VPS13B: variants seen among roughly 807,000 people sequenced by gnomAD.
VPS13B encodes the protein vacuolar protein sorting 13 homolog B.
A neutral mutation model predicts 426.4 loss-of-function variants in VPS13B; 285 were observed. That is an observed-to-expected ratio of 0.67 (90% CI 0.61 to 0.74). VPS13B has a LOEUF of 0.74. VPS13B is among the 30% of genes least tolerant of loss of function. The pLI is 0.00. For missense variants in VPS13B, 4,537 were observed against 4,782.6 expected (o/e 0.95, Z 1.51); for synonymous variants, 1,676 against 1,676.4 (o/e 1.00, Z 0.01).
chr8:99,645,422 G>A (rs1829542959), intron 34 of VPS13B, among the ~76,000 whole-genome samples: 1 of 152,194 alleles, frequency 6.6e-6, no homozygotes, highest in Non-Finnish European at 1.5e-5. Flanking sequence ...ACTTAACTAG[G>A]AGGCAGAAAA....
At chr8:99,407,024 C>A (rs1815371274) in intron 21 of VPS13B, among the ~76,000 whole-genome samples, 1 of 152,060 alleles carries the variant, frequency 6.6e-6, no homozygotes. Flanking sequence ...GAATCAAGAC[C>A]AACTTATACA....
At chr8:99,350,714 A>T (rs1018170548) in intron 19 of VPS13B, among the ~76,000 whole-genome samples, 1 of 152,156 alleles carries the variant, frequency 6.6e-6, no homozygotes, top group African/African-American at 2.4e-5. Context: ...CTTGGATAGG[A>T]TTTGTAAAGT....
At chr8:99,550,198 A>C (rs760378184) in intron 30 of VPS13B, among the ~76,000 whole-genome samples, 3 of 152,106 alleles carry the variant, frequency 2.0e-5, no homozygotes, top group Non-Finnish European at 4.4e-5. Flanking sequence ...GACTAAGGCT[A>C]TGAGTAGGGA....
At chr8:99,736,111 T>C (rs1833819752) in intron 39 of VPS13B, among the ~76,000 whole-genome samples, 1 of 152,168 alleles carries the variant, frequency 6.6e-6, no homozygotes, top group South Asian at 2.1e-4. Flanking sequence ...TTGCTCAGTA[T>C]GTGTGGAAAG....
intron 2 of VPS13B, 121 bp from the exon 3 acceptor site, chr8:99,038,302 A>G (rs1421770363): frequency 2.5e-6 from 2 of 800,264 alleles, no homozygotes; most frequent in Non-Finnish European, 3.7e-6. Context: ...ATTAAGCACT[A>G]AACAATAAGT....
At chr8:99,542,756 G>A (rs1469269921) in intron 30 of VPS13B, among the ~76,000 whole-genome samples, 1 of 152,120 alleles carries the variant, frequency 6.6e-6, no homozygotes, top group Non-Finnish European at 1.5e-5. Context: ...CTTTCCAAGT[G>A]ACCTCAGCCA....
At chr8:99,742,346 C>A (rs1809783300) in intron 39 of VPS13B, among the ~76,000 whole-genome samples, 1 of 152,066 alleles carries the variant, frequency 6.6e-6, no homozygotes, top group East Asian at 1.9e-4. Context: ...GCTTAGCAAC[C>A]AAAAAGAGTC....
intron 17 of VPS13B, among the ~76,000 whole-genome samples, chr8:99,216,743 A>C (rs1360396396): frequency 6.6e-6 from 1 of 152,072 alleles, no homozygotes; most frequent in African/African-American, 2.4e-5. Flanking sequence ...TTTTAAAAAA[A>C]GAATGTAAAG....
intron 43 of VPS13B, among the ~76,000 whole-genome samples, chr8:99,792,975 G>A (rs935982061): frequency 2.6e-5 from 4 of 151,458 alleles, no homozygotes; most frequent in Admixed American, 2.0e-4. Context: ...GGAGGCCATG[G>A]TGGGTGGATC....
At chr8:99,428,087 T>A (rs1190945160) in intron 21 of VPS13B, among the ~76,000 whole-genome samples, 1 of 152,200 alleles carries the variant, frequency 6.6e-6, no homozygotes, top group Non-Finnish European at 1.5e-5. Flanking sequence ...TAGCCATATG[T>A]AGAAAGCTGA....
At chr8:99,728,555 C>T (rs550618480) in intron 39 of VPS13B, among the ~76,000 whole-genome samples, 1 of 152,176 alleles carries the variant, frequency 6.6e-6, no homozygotes, top group Non-Finnish European at 1.5e-5. Context: ...ATTAGACAGA[C>T]AAAGCCCTGT....
intron 19 of VPS13B, among the ~76,000 whole-genome samples, chr8:99,300,326 C>G (rs1195300930): frequency 1.3e-5 from 2 of 152,164 alleles, no homozygotes; most frequent in Non-Finnish European, 2.9e-5. Context: ...TGATAAACAG[C>G]AGGTTACTTA....
At chr8:99,508,789 T>C (rs552439420) in intron 28 of VPS13B, among the ~76,000 whole-genome samples, 4 of 152,198 alleles carry the variant, frequency 2.6e-5, no homozygotes, top group Admixed American at 2.0e-4. Flanking sequence ...TTAGTGTTTT[T>C]TAACATTTTA....
chr8:99,307,258 C>G (rs1820691695), intron 19 of VPS13B, among the ~76,000 whole-genome samples: 1 of 152,032 alleles, frequency 6.6e-6, no homozygotes, highest in Non-Finnish European at 1.5e-5. Context: ...GAGAAAATAG[C>G]ATTAAGGTTT....
chr8:99,353,844 A>C (rs1041612470), intron 19 of VPS13B, among the ~76,000 whole-genome samples: 1 of 152,116 alleles, frequency 6.6e-6, no homozygotes, highest in Non-Finnish European at 1.5e-5. Context: ...AACTATTATG[A>C]AAAATAAAAA....
At chr8:99,715,322 T>G (rs1832867689) in intron 36 of VPS13B, among the ~76,000 whole-genome samples, 1 of 152,228 alleles carries the variant, frequency 6.6e-6, no homozygotes, top group Non-Finnish European at 1.5e-5. Context: ...TGCCCAGGAC[T>G]ACACTGAATA....
chr8:99,229,950 A>G (rs1816234705), intron 17 of VPS13B, among the ~76,000 whole-genome samples: 2 of 152,344 alleles, frequency 1.3e-5, no homozygotes, highest in African/African-American at 4.8e-5. Context: ...TCTGACTTAT[A>G]CAATGTTGTC....
intron 2 of VPS13B, among the ~76,000 whole-genome samples, chr8:99,033,063 A>C (rs1473067660): frequency 6.6e-6 from 1 of 152,130 alleles, no homozygotes; most frequent in Non-Finnish European, 1.5e-5. Context: ...ATTTCCTTTT[A>C]AACCAGAAGA....
intron 33 of VPS13B, among the ~76,000 whole-genome samples, chr8:99,586,798 A>C (rs1826320355): frequency 6.6e-6 from 1 of 152,108 alleles, no homozygotes; most frequent in African/African-American, 2.4e-5. Context: ...CCATTAAACT[A>C]CCATTGACAC....
Sources: gnomAD v4.1 joint callset for allele counts (sites outside exome capture counted in the v4.1 genomes callset) on GRCh38, gnomAD v4.1.1 for gene constraint, MANE v1.5 for transcripts, NCBI Gene and HGNC (gene_info 2026-07-23, HGNC 2026-07-21) for gene names.